The following CBFA2T2 variants were observed in gnomAD, a reference collection of about 807,000 sequenced individuals.
CBFA2T2 encodes protein CBFA2T2.
In CBFA2T2, 11 loss-of-function variants were observed where a neutral mutation model predicts 62.2. The ratio of observed to expected loss-of-function variants is 0.18; its 90% confidence interval spans 0.11 to 0.29. The LOEUF (loss-of-function observed/expected upper bound fraction) is 0.29. CBFA2T2 is among the 10% of genes least tolerant of loss of function. CBFA2T2 has a pLI of 1.00. For missense variants in CBFA2T2, 592 were observed against 774.1 expected, an observed-to-expected ratio of 0.76 and a Z score of 2.79; for synonymous variants, 295 against 287.5, an observed-to-expected ratio of 1.03 and a Z score of -0.27.
At chr20:33,535,845 C>T (rs1391568159) in intron 1 of CBFA2T2, among the ~76,000 whole-genome samples, 1 of 151,906 alleles carries the variant, frequency 6.6e-6, no homozygotes, top group Non-Finnish European at 1.5e-5. Context: ...TCCCTGGGTA[C>T]TTGAGATTAG....
chr20:33,613,860 A>G, intron 3 of CBFA2T2, among the ~76,000 whole-genome samples: 1 of 152,200 alleles, frequency 6.6e-6, no homozygotes, highest in African/African-American at 2.4e-5. Flanking sequence ...GCAGACATCA[A>G]AATGTTATGT....
chr20:33,552,795 C>G (rs1012065250), intron 1 of CBFA2T2, among the ~76,000 whole-genome samples: 1 of 152,190 alleles, frequency 6.6e-6, no homozygotes, highest in Non-Finnish European at 1.5e-5. Context: ...TCCATACATG[C>G]TGACTTCCTC....
At chr20:33,544,611 G>T (rs1016870619) in intron 1 of CBFA2T2, among the ~76,000 whole-genome samples, 2 of 151,968 alleles carry the variant, frequency 1.3e-5, no homozygotes, top group African/African-American at 2.4e-5. Context: ...GTAGTGGCGC[G>T]ATCTCGGCTC....
At chr20:33,544,990 T>TAGAAC (rs1423129077) in intron 1 of CBFA2T2, among the ~76,000 whole-genome samples, 8 of 136,098 alleles carry the variant, frequency 5.9e-5, no homozygotes, top group African/African-American at 2.5e-4. Context: ...TAGAATAGAA[T>TAGAAC]AGAATAGAAT....
intron 1 of CBFA2T2, among the ~76,000 whole-genome samples, chr20:33,559,172 CTTTTTT>C (rs376048540): frequency 3.3e-4 from 29 of 87,624 alleles, no homozygotes; most frequent in African/African-American, 1.4e-3. Context: ...TTTTTCCTTT[CTTTTTT>C]TTTTTTTTTT....
At chr20:33,543,491 A>G (rs2012459904) in intron 1 of CBFA2T2, among the ~76,000 whole-genome samples, 1 of 152,182 alleles carries the variant, frequency 6.6e-6, no homozygotes, top group Non-Finnish European at 1.5e-5. Context: ...ATAAAAGTAA[A>G]TAGTTATTAG....
chr20:33,642,341 CT>C (rs944556303), intron 10 of CBFA2T2, among the ~76,000 whole-genome samples: 55 of 152,186 alleles, frequency 3.6e-4, no homozygotes, highest in African/African-American at 1.3e-3. Flanking sequence ...GTGGCCAATG[CT>C]TGTAATCTCA....
At chr20:33,567,287 C>T (rs970504412) in intron 1 of CBFA2T2, among the ~76,000 whole-genome samples, 1 of 152,180 alleles carries the variant, frequency 6.6e-6, no homozygotes, top group Non-Finnish European at 1.5e-5. Flanking sequence ...GTTCAATCCT[C>T]AGCAGTTTGT....
chr20:33,535,906 C>A (rs569043598), intron 1 of CBFA2T2, among the ~76,000 whole-genome samples: 2 of 152,116 alleles, frequency 1.3e-5, no homozygotes, highest in Non-Finnish European at 1.5e-5. Flanking sequence ...ATCTGTTTAA[C>A]GAAGCACATC....
At chr20:33,616,616 A>G (rs543340856) in intron 3 of CBFA2T2, among the ~76,000 whole-genome samples, 20 of 152,146 alleles carry the variant, frequency 1.3e-4, no homozygotes, top group African/African-American at 4.3e-4. Flanking sequence ...AATCCCAGCT[A>G]CTTGGAAGGC....
rs146165569 is a variant in CBFA2T2, at chr20:33,613,674, C to T, written c.420+2339C>T. Among the ~76,000 whole-genome samples the T allele has an allele frequency of 3.3e-3, 509 of 152,236 alleles. 2 individuals are homozygous for T. The highest frequency in any genetic ancestry group is 5.7e-3 in the Non-Finnish European group (390 of 68,000). Reference sequence around the variant, plus strand: ...CGTGTTTAGCATGAACCATACTGTTCGCAGAACCACTCTACACACGGCCAC... The same window carrying T: ...CGTGTTTAGCATGAACCATACTGTTTGCAGAACCACTCTACACACGGCCAC... On this transcript the variant is annotated intron_variant, in intron 3 of 10. Coordinates refer to ENST00000342704, the MANE Select transcript of CBFA2T2 (RefSeq NM_001032999.3).
intron 8 of CBFA2T2, among the ~76,000 whole-genome samples, chr20:33,634,222 C>G (rs1051854868): frequency 6.6e-6 from 1 of 152,158 alleles, no homozygotes; most frequent in Non-Finnish European, 1.5e-5. Flanking sequence ...CCGCCTTGGC[C>G]TCCCAAAGTG....
At chr20:33,643,223 A>T (rs1911144969) in intron 10 of CBFA2T2, among the ~76,000 whole-genome samples, 1 of 152,154 alleles carries the variant, frequency 6.6e-6, no homozygotes, top group Admixed American at 6.5e-5. Flanking sequence ...GTATACCCTT[A>T]AAGGAGTCAG....
intron 1 of CBFA2T2, chr20:33,601,890 G>A (rs1268506622): frequency 1.3e-5 from 2 of 150,822 alleles, no homozygotes; most frequent in East Asian, 2.0e-4. Context: ...CTGCAGCCTC[G>A]ACCTCCTGGA....
At chr20:33,619,025 C>A (rs2015821960) in intron 3 of CBFA2T2, among the ~76,000 whole-genome samples, 1 of 152,120 alleles carries the variant, frequency 6.6e-6, no homozygotes, top group African/African-American at 2.4e-5. Context: ...TTTACCTTTG[C>A]CAGGCGTCTG....
intron 6 of CBFA2T2, among the ~76,000 whole-genome samples, chr20:33,628,029 T>C (rs1470593085): frequency 1.3e-5 from 2 of 152,268 alleles, no homozygotes; most frequent in African/African-American, 4.8e-5. Flanking sequence ...TTGTCAACAC[T>C]TAGTATTATC....
chr20:33,576,097 T>C (rs1328668321), intron 1 of CBFA2T2, among the ~76,000 whole-genome samples: 1 of 152,110 alleles, frequency 6.6e-6, no homozygotes, highest in Non-Finnish European at 1.5e-5. Context: ...TAAGAGGTGT[T>C]TATAAGAAGC....
intron 1 of CBFA2T2, among the ~76,000 whole-genome samples, chr20:33,543,960 T>C (rs2012470715): frequency 6.6e-6 from 1 of 152,182 alleles, no homozygotes; most frequent in Non-Finnish European, 1.5e-5. Context: ...ATCTTACCTT[T>C]ACCCCTTCCA....
intron 1 of CBFA2T2, among the ~76,000 whole-genome samples, chr20:33,509,373 TAAAAA>T (rs1568791450): frequency 6.6e-6 from 1 of 151,244 alleles, no homozygotes; most frequent in African/African-American, 2.4e-5. Flanking sequence ...TCTCAAAAAA[TAAAAA>T]ATAAAAAGAA....
Sources: gnomAD v4.1 joint callset for allele counts (sites outside exome capture counted in the v4.1 genomes callset) on GRCh38, gnomAD v4.1.1 for gene constraint, MANE v1.5 for transcripts, NCBI Gene and HGNC (gene_info 2026-07-23, HGNC 2026-07-21) for gene names.